HTRA1: variants seen among roughly 807,000 people sequenced by gnomAD.
The protein encoded by HTRA1 is HtrA serine peptidase 1.
HTRA1 carries 26 observed loss-of-function variants against 49.7 expected under a neutral mutation model. The ratio of observed to expected loss-of-function variants is 0.52; its 90% CI spans 0.38 to 0.73. The LOEUF (loss-of-function observed/expected upper bound fraction) is 0.73, where lower values mean the gene tolerates loss of function less well. Among genes scored for constraint, HTRA1 ranks in the 30% least tolerant of loss-of-function variants. The probability of loss-of-function intolerance (pLI) is 0.00; values close to 1 mark genes in which losing one functional copy is unlikely to be tolerated. For synonymous variants in HTRA1, 291 were observed against 286.9 expected (o/e 1.01, Z -0.14); for missense variants, 561 against 667.2 (o/e 0.84, Z 1.75).
At chr10:122,466,024 C>T (rs2097483615) in intron 1 of HTRA1, among the ~76,000 whole-genome samples, 1 of 152,266 alleles carries the variant, frequency 6.6e-6, no homozygotes, top group South Asian at 2.1e-4. Flanking sequence ...TGCCCAGAAA[C>T]TCCACCCCTG....
chr10:122,499,573 C>T (rs2097500077), intron 3 of HTRA1, among the ~76,000 whole-genome samples: 1 of 152,118 alleles, frequency 6.6e-6, no homozygotes, highest in African/African-American at 2.4e-5. Flanking sequence ...CACAGTTCCT[C>T]CCCTGCCCAT....
chr10:122,493,503 GTTT>G (rs538167908), intron 3 of HTRA1, among the ~76,000 whole-genome samples: 1 of 151,600 alleles, frequency 6.6e-6, no homozygotes, highest in Admixed American at 6.6e-5. Context: ...TCCCTGCGGG[GTTT>G]TTTTTTCCTG....
rs956070738 is a variant in HTRA1 at position 122,506,955 on chromosome 10, G to C, written c.972+70G>C. On this transcript the variant is annotated intron_variant, in intron 4 of 8. Transcript: ENST00000368984. The surrounding 1 kb of genome is among the most constrained non-coding windows in gnomAD (Gnocchi z 5.2). ...GCCAGGGGGAGAGGAGTCAGCATAG[G>C]TCTTAGCCCCTGACTTTGTTGTAGT... is the stretch of plus-strand genomic sequence containing the variant. The C allele has an allele frequency of 7.3e-7, 1 of 1,371,102 alleles. No homozygotes were observed. Among genetic ancestry groups the C allele is most frequent in the African/African-American group, 1.4e-5 (1 of 70,488 alleles). The allele number at this position is 1,371,102 out of a possible 1,614,324, so 84.9% of individuals were successfully genotyped here.
chr10:122,487,952 C>T lies in HTRA1; in HGVS notation c.473-950C>T, dbSNP rs1321892369. Among the ~76,000 whole-genome samples the T allele has an allele frequency of 6.6e-6, 1 of 152,056 alleles. No individual in the cohort carries two copies. The highest frequency in any genetic ancestry group is 1.9e-4 in the East Asian group (1 of 5,188). ...TGTTTGATTTTTCTCTTTTTCTCAC[C>T]CACAGTCTTAAGGCACCTCTTATGC... On this transcript the variant is annotated intron_variant, in intron 1 of 8. Transcript: ENST00000368984. This position sits in a 1 kb window ranked among gnomAD's most constrained non-coding sequence, Gnocchi z 4.8.
intron 1 of HTRA1, among the ~76,000 whole-genome samples, chr10:122,484,144 CA>C (rs5788561): frequency 0.066 from 10,021 of 152,274 alleles, 366 homozygotes; most frequent in African/African-American, 0.084. Context: ...CTTGACCTTT[CA>C]GGGGGCTTCC....
intron 5 of HTRA1, among the ~76,000 whole-genome samples, chr10:122,507,853 TGAG>T (rs1309820885): frequency 1.3e-5 from 2 of 152,186 alleles, no homozygotes. Flanking sequence ...CTGGCTGGAA[TGAG>T]GAGGAGTTAC....
intron 1 of HTRA1, among the ~76,000 whole-genome samples, chr10:122,476,499 G>A (rs2097488528): frequency 6.6e-6 from 1 of 152,202 alleles, no homozygotes; most frequent in South Asian, 2.1e-4. Flanking sequence ...GAGGGGTGGA[G>A]CCCACATTCC....
chr10:122,482,228 C>T (rs553658192), intron 1 of HTRA1, among the ~76,000 whole-genome samples: 2 of 152,236 alleles, frequency 1.3e-5, no homozygotes, highest in South Asian at 4.2e-4. Context: ...GTCACATGAC[C>T]TTTCAAATCT....
In HTRA1 at chr10:122,490,625, C is replaced by T. The variant is rs2097495327; in HGVS notation, c.777+999C>T. On this transcript the variant is annotated intron_variant, in intron 3 of 8. Transcript: ENST00000368984. The surrounding 1 kb of genome is among the most constrained non-coding windows in gnomAD (Gnocchi z 4.2). ...TCCTGCCTCTGACCAAGGAAAAGAC[C>T]AGAGGCTGAGCCAGGTGGGGTCTCT... 6.6e-6 allele frequency among the ~76,000 whole-genome samples: 1 copy of T among 152,118 alleles called. No individual in the cohort carries two copies. Among genetic ancestry groups the T allele is most frequent in the Admixed American group, 6.5e-5 (1 of 15,270 alleles).
chr10:122,491,087 G>A (rs185103143), intron 3 of HTRA1, among the ~76,000 whole-genome samples: 3 of 152,230 alleles, frequency 2.0e-5, no homozygotes, highest in African/African-American at 4.8e-5. Context: ...ATCTTTCAAA[G>A]TGTGTTTATT....
At position 122,461,839 on chromosome 10, in the gene HTRA1, G is replaced by C; in HGVS notation, c.187G>C (p.Gly63Arg). 8.7e-7 allele frequency: 1 copy of C among 1,146,594 alleles called. No individual in the cohort carries two copies. 71.0% of individuals were successfully genotyped at this position (1,146,594 alleles called of 1,614,324 possible). Residue 63 changes from glycine (G) to arginine (R), a missense_variant, in exon 1 of 9, where the codon GGC (glycine) becomes CGC (arginine). By Grantham distance (125) the Gly-to-Arg change is moderately radical. Transcript: ENST00000368984. The stretch of plus-strand genomic sequence containing the variant: ...GGGCGGCCGGGCCCGGGACGCGTGC[G>C]GCTGCTGCGAGGTGTGCGGCGCGCC... ...CEGGRARDAC[G>R]CCEVCGAPEG...
intron 1 of HTRA1, among the ~76,000 whole-genome samples, chr10:122,463,916 C>T (rs926554426): frequency 2.2e-4 from 34 of 152,076 alleles, no homozygotes; most frequent in African/African-American, 8.2e-4. Context: ...GGCTGGGGAA[C>T]GTTTTGGGAG....
In HTRA1 at chr10:122,514,622, G is replaced by C. The variant is rs2293872; in HGVS notation, c.*263G>C. ...TTTCTTGCCAGCTTGGGCCATTCTT[G>C]CTTAGACAGTCAGCATTTGTCTCCT... On this transcript the variant is annotated 3_prime_UTR_variant, in exon 9 of 9. Transcript: ENST00000368984. 5 of 474,088 alleles carry C rather than the reference G, an allele frequency of 1.1e-5. No individual in the cohort carries two copies. The East Asian group carries it at 2.1e-4, about 20-fold the overall frequency. 29.4% of individuals were successfully genotyped at this position (474,088 alleles called of 1,614,324 possible).
chr10:122,473,853 T>C (rs1335873699), intron 1 of HTRA1, among the ~76,000 whole-genome samples: 1 of 152,258 alleles, frequency 6.6e-6, no homozygotes, highest in East Asian at 1.9e-4. Context: ...GGCTTCTGTC[T>C]CTTAGCATAA....
intron 1 of HTRA1, among the ~76,000 whole-genome samples, chr10:122,473,714 C>T (rs1308782982): frequency 1.3e-5 from 2 of 152,154 alleles, no homozygotes; most frequent in African/African-American, 2.4e-5. Context: ...AAAGAAACCC[C>T]GTATCCATTA....
intron 6 of HTRA1, 117 bp from the exon 7 acceptor site, chr10:122,509,979 A>G: frequency 3.6e-6 from 3 of 824,388 alleles, no homozygotes; most frequent in Non-Finnish European, 6.4e-6. Flanking sequence ...CCGCAACCTC[A>G]GTGTACCCTT....
intron 3 of HTRA1, among the ~76,000 whole-genome samples, chr10:122,492,147 A>T (rs181574117): frequency 6.6e-6 from 1 of 152,036 alleles, no homozygotes; most frequent in Non-Finnish European, 1.5e-5. Context: ...GCTCCTTGTC[A>T]TATGAGACTG....
chr10:122,511,763 T>A lies in HTRA1; in HGVS notation c.1179-207T>A, dbSNP rs201759469. 5.5e-3 allele frequency among the ~76,000 whole-genome samples: 720 copies of A among 130,540 alleles called. 8 individuals carry two copies. The highest frequency in any genetic ancestry group is 0.017 in the African/African-American group (662 of 38,212). 85.6% of individuals were successfully genotyped at this position (130,540 alleles called of 152,430 possible). On this transcript the variant is annotated intron_variant, in intron 7 of 8. Transcript: ENST00000368984. ...AAAAAAAATAAATAAAAAAAATAAATAAATAATAAAGCACTTTCCTTGCTG... is the reference window on the plus strand; with the variant it reads ...AAAAAAAATAAATAAAAAAAATAAAAAAATAATAAAGCACTTTCCTTGCTG...
intron 2 of HTRA1, 124 bp downstream of exon 2, chr10:122,489,125 TA>T (rs2097494530): frequency 1.3e-6 from 1 of 767,190 alleles, no homozygotes; most frequent in Non-Finnish European, 2.3e-6. Flanking sequence ...CTACTTAAGA[TA>T]AGTGTGTCTC....
Sources: gnomAD v4.1 joint callset for allele counts (sites outside exome capture counted in the v4.1 genomes callset) on GRCh38, gnomAD v4.1.1 for gene constraint, Gnocchi (gnomAD v3.1) non-coding constraint, MANE v1.5 for transcripts, NCBI Gene and HGNC (gene_info 2026-07-23, HGNC 2026-07-21) for gene names.